Variants in HDAC8 observed in about 807,000 individuals in gnomAD.
HDAC8 encodes the protein histone deacetylase 8, also known as histone deacetylase-like 1.
HDAC8 carries 1 observed loss-of-function variant against 32.2 expected under a neutral mutation model. That is an observed-to-expected ratio of 0.03 (90% CI 0.01 to 0.15). HDAC8 has a LOEUF of 0.15. HDAC8 is among the 10% of genes least tolerant of loss of function. The probability of loss-of-function intolerance (pLI) is 1.00; values close to 1 mark genes in which losing one functional copy is unlikely to be tolerated. For synonymous variants in HDAC8, 108 were observed against 113.9 expected, an observed-to-expected ratio of 0.95 and a Z score of 0.33; for missense variants, 117 against 300.0, an observed-to-expected ratio of 0.39 and a Z score of 4.51.
intron 4 of HDAC8, among the ~76,000 whole-genome samples, chrX:72,516,682 T>C (rs1177658891): frequency 1.8e-5 from 2 of 112,158 alleles, no homozygotes; most frequent in African/African-American, 6.5e-5. Flanking sequence ...TAAACACTTA[T>C]GGTTCCCATC....
intron 9 of HDAC8, among the ~76,000 whole-genome samples, chrX:72,367,266 G>A (rs1030460692): frequency 3.6e-5 from 4 of 112,260 alleles, no homozygotes; most frequent in Admixed American, 1.9e-4. Flanking sequence ...AAATGTGTGA[G>A]TGCCTCCTCT....
At chrX:72,443,019 C>G (rs1160792482) in intron 9 of HDAC8, among the ~76,000 whole-genome samples, 6 of 107,362 alleles carry the variant, frequency 5.6e-5, no homozygotes, top group Non-Finnish European at 1.2e-4. Context: ...AATACAGGAG[C>G]ACCCAGATTC....
chrX:72,546,665 A>C (rs1405537872), intron 4 of HDAC8, among the ~76,000 whole-genome samples: 2 of 111,110 alleles, frequency 1.8e-5, no homozygotes, highest in African/African-American at 6.6e-5. Context: ...TAAGACACTG[A>C]TGACAGAAGG....
intron 4 of HDAC8, among the ~76,000 whole-genome samples, chrX:72,565,868 G>A (rs531634824): frequency 6.3e-5 from 7 of 111,231 alleles, no homozygotes; most frequent in Admixed American, 2.9e-4. Context: ...AAAGGCAGGC[G>A]GTGTGCAGTG....
intron 4 of HDAC8, among the ~76,000 whole-genome samples, chrX:72,526,356 C>G (rs929103088): frequency 9.1e-6 from 1 of 110,313 alleles, no homozygotes; most frequent in Non-Finnish European, 1.9e-5. Context: ...GGAAGCCATC[C>G]TTCTTCTCCC....
chrX:72,446,333 C>T, intron 9 of HDAC8, among the ~76,000 whole-genome samples: 1 of 112,070 alleles, frequency 8.9e-6, no homozygotes, highest in Non-Finnish European at 1.9e-5. Context: ...GGCACATATA[C>T]ACCATGGAAT....
chrX:72,559,142 C>G (rs2147536738), intron 4 of HDAC8, among the ~76,000 whole-genome samples: 1 of 96,402 alleles, frequency 1.0e-5, no homozygotes, highest in East Asian at 3.4e-4. Context: ...GACTGTACTG[C>G]CACCATCTCG....
chrX:72,469,862 A>C (rs1569321670), intron 7 of HDAC8, among the ~76,000 whole-genome samples: 1 of 111,324 alleles, frequency 9.0e-6, no homozygotes, highest in Non-Finnish European at 1.9e-5. Context: ...ATAAAAAATT[A>C]AACATGGCCG....
At chrX:72,392,198 C>A (rs1208158064) in intron 9 of HDAC8, among the ~76,000 whole-genome samples, 1 of 111,475 alleles carries the variant, frequency 9.0e-6, no homozygotes, top group African/African-American at 3.3e-5. Flanking sequence ...TAGTAGGTAC[C>A]AACTCTACAC....
At chrX:72,526,212 T>C (rs959698856) in intron 4 of HDAC8, among the ~76,000 whole-genome samples, 1 of 111,330 alleles carries the variant, frequency 9.0e-6, no homozygotes, top group Non-Finnish European at 1.9e-5. Context: ...GCCTACACTG[T>C]TTTTTCTCCC....
At chrX:72,524,921 C>G (rs1424135668) in intron 4 of HDAC8, among the ~76,000 whole-genome samples, 1 of 111,809 alleles carries the variant, frequency 8.9e-6, no homozygotes, top group Non-Finnish European at 1.9e-5. Context: ...CAGCCCCCAA[C>G]CTTTTTGGCC....
chrX:72,525,813 CAAAAAAAAAAAAAAAAA>C (rs57801277), intron 4 of HDAC8, among the ~76,000 whole-genome samples: 3 of 21,555 alleles, frequency 1.4e-4, no homozygotes, highest in Non-Finnish European at 2.4e-4. Context: ...GACTCTGTCT[CAAAAAAAAAAAAAAAAA>C]AAAAAAAAAA....
chrX:72,412,087 A>G lies in HDAC8; in HGVS notation c.1005+49917T>C, dbSNP rs190072544. On this transcript the variant is annotated intron_variant, in intron 9 of 10. Transcript: ENST00000373573. ...AGGAAGAGGTTTAGGGAAGGCTTCA[A>G]GGAAAGTTATTTTGGCTCTGAAGTC... Among the ~76,000 whole-genome samples the G allele has an allele frequency of 3.3e-4, 37 of 112,365 alleles. 1 individual carries two copies. In the Admixed American group the frequency reaches 3.5e-3, roughly 11 times the overall value.
chrX:72,332,894 C>T (rs782253791), intron 10 of HDAC8, among the ~76,000 whole-genome samples: 25 of 111,045 alleles, frequency 2.3e-4, no homozygotes, highest in African/African-American at 7.8e-4. Flanking sequence ...TCAAATAATC[C>T]ACCCGCCTCA....
At chrX:72,527,641 T>C in intron 4 of HDAC8, among the ~76,000 whole-genome samples, 1 of 111,488 alleles carries the variant, frequency 9.0e-6, no homozygotes. Flanking sequence ...TTGCCTGGCA[T>C]ACTCTGTCTG....
chrX:72,481,751 G>A (rs782290228), intron 7 of HDAC8, among the ~76,000 whole-genome samples: 2 of 108,482 alleles, frequency 1.8e-5, no homozygotes, highest in Admixed American at 9.8e-5. Context: ...TTATAGGTGC[G>A]CACCTATAAT....
In HDAC8 at chrX:72,387,042, G is replaced by A. The variant is rs782348791; in HGVS notation, c.1006-35204C>T. Among the ~76,000 whole-genome samples the A allele has an allele frequency of 3.6e-5, 4 of 111,883 alleles. No individual in the cohort carries two copies. In the South Asian group the frequency reaches 1.1e-3, roughly 31 times the overall value. On this transcript the variant is annotated intron_variant, in intron 9 of 10. Transcript: ENST00000373573. ...TCTCTTTCTTGAGGGAATCAAAACC[G>A]AAAACTCTACTCTTCCTCAAAAACA...
chrX:72,425,460 T>C (rs1555975099), intron 9 of HDAC8, among the ~76,000 whole-genome samples: 1 of 112,041 alleles, frequency 8.9e-6, no homozygotes, highest in Non-Finnish European at 1.9e-5. Flanking sequence ...CTGTGGTCTA[T>C]CTTGGTATGT....
intron 2 of HDAC8, among the ~76,000 whole-genome samples, chrX:72,570,039 G>A (rs782681409): frequency 1.8e-5 from 2 of 112,155 alleles, no homozygotes; most frequent in Non-Finnish European, 3.8e-5. Context: ...ATGAGTTTAC[G>A]ATGAATGAAT....
Sources: gnomAD v4.1 joint callset for allele counts (sites outside exome capture counted in the v4.1 genomes callset) on GRCh38, gnomAD v4.1.1 for gene constraint, MANE v1.5 for transcripts, NCBI Gene and HGNC (gene_info 2026-07-23, HGNC 2026-07-21) for gene names.